CNPY4: variants seen among roughly 807,000 people sequenced by gnomAD.
CNPY4 encodes the protein canopy FGF signaling regulator 4, also known as protein canopy homolog 4.
In CNPY4, 33 loss-of-function variants were observed where a neutral mutation model predicts 30.1. The observed-to-expected ratio is 1.10, with a 90% CI of 0.83 to 1.46. The LOEUF is 1.46. Ranked by LOEUF, CNPY4 falls within the 40% of genes most tolerant of loss-of-function variation. The pLI is 0.00. For synonymous variants in CNPY4, 109 were observed against 110.1 expected (o/e 0.99, Z 0.06); for missense variants, 324 against 302.6 (o/e 1.07, Z -0.52).
chr7:100,121,151 C>A (rs4727447), intron 1 of CNPY4: 1 of 90,740 alleles, frequency 1.1e-5, no homozygotes, highest in Admixed American at 1.3e-4. Flanking sequence ...TTTTTTTTTT[C>A]TCTTTTCAGA....
In CNPY4 at chr7:100,122,594, G is replaced by C; in HGVS notation, c.342+17G>C. 1 of 1,580,854 alleles carries C rather than the reference G, an allele frequency of 6.3e-7. No homozygotes were observed. The highest frequency in any genetic ancestry group is 8.6e-7 in the Non-Finnish European group (1 of 1,161,534). On this transcript the variant is annotated intron_variant, in intron 3 of 5. Coordinates refer to ENST00000262932, the MANE Select transcript of CNPY4 (RefSeq NM_152755.2). Reference sequence around the variant, plus strand: ...TATGCCAAGGTCAGACCCTTCCCCAGGGCAGGACCCCACTTCTCAGATACA... The same window carrying C: ...TATGCCAAGGTCAGACCCTTCCCCACGGCAGGACCCCACTTCTCAGATACA...
rs764940643 is a variant in CNPY4, at chr7:100,119,681, G to T, written c.-64G>T. The T allele has an allele frequency of 4.2e-5, 67 of 1,612,086 alleles. No homozygotes were observed. Among genetic ancestry groups the T allele is most frequent in the Non-Finnish European group, 5.6e-5 (66 of 1,179,392 alleles). On this transcript the variant is annotated 5_prime_UTR_variant, in exon 1 of 6. The change creates a new upstream start codon in the 5' untranslated region. Coordinates refer to ENST00000262932, the MANE Select transcript of CNPY4 (RefSeq NM_152755.2). ...TGCCGCTAGCCGCCTGGGAATTTAA[G>T]GGACCCACACTACCTTCCCGAAGTT...
At chr7:100,120,387 G>C (rs971337253) in intron 1 of CNPY4, 3 of 152,422 alleles carry the variant, frequency 2.0e-5, no homozygotes, top group African/African-American at 4.8e-5. Flanking sequence ...CATCCGGTGA[G>C]ACTTTGCAGA....
At position 100,122,396 on chromosome 7, in the gene CNPY4, C is replaced by T. The variant is rs200363497; in HGVS notation, c.245+11C>T. The T allele has an allele frequency of 5.0e-6, 8 of 1,614,068 alleles. No homozygotes were observed. In the East Asian group the frequency reaches 1.3e-4, roughly 27 times the overall value. On this transcript the variant is annotated intron_variant, in intron 2 of 5. Coordinates refer to ENST00000262932, the MANE Select transcript of CNPY4 (RefSeq NM_152755.2). ...GCCTTACAGCGTTTCGTGAGTCCTT[C>T]GTGCTCCTCCCCTTTCCAACCCCCA... is the stretch of plus-strand genomic sequence containing the variant.
At position 100,119,802 on chromosome 7, in the gene CNPY4, T is replaced by TA. The variant is rs753017192; in HGVS notation, c.58_59insA (p.Trp20Ter). The change falls in exon 1 of 6, where the codon TGG (tryptophan) becomes TAGG (stop). Residue 20 changes from tryptophan to a stop codon, truncating the protein, a stop_gained and frameshift_variant. Transcript: ENST00000262932. LOFTEE classifies it high-confidence loss of function. ...CCTTTTTTTGGCCGTGCACGAGGCT[T>TA]GGGCTGGGATGTTGAAGGAGGAGGA... is the stretch of plus-strand genomic sequence containing the variant. ...LFLFLAVHEA[W>*]AGMLKEEDDD... 1.2e-6 allele frequency: 2 copies of TA among 1,614,122 alleles called. No homozygotes were observed. The highest frequency in any genetic ancestry group is 1.7e-6 in the Non-Finnish European group (2 of 1,180,004).
In CNPY4 at chr7:100,124,460, G is replaced by A. The variant is rs183956691; in HGVS notation, c.466-54G>A. The stretch of plus-strand genomic sequence containing the variant: ...GGTTGAGCAGGGAGAGAAGACAGGC[G>A]GGATCCCAAATCCCTCCAGAGCAGA... On this transcript the variant is annotated intron_variant, in intron 4 of 5. Coordinates refer to ENST00000262932, the MANE Select transcript of CNPY4 (RefSeq NM_152755.2). 5.6e-5 allele frequency: 78 copies of A among 1,390,900 alleles called. No homozygotes were observed. The Admixed American group carries it at 8.2e-4, about 15-fold the overall frequency. 86.2% of individuals were successfully genotyped at this position (1,390,900 alleles called of 1,614,324 possible). A position where few individuals can be genotyped will look rare whatever the true frequency, so the allele number is the denominator to read the frequency against.
chr7:100,124,653 C>G, intron 5 of CNPY4, 22 bp downstream of exon 5: 1 of 1,611,730 alleles, frequency 6.2e-7, no homozygotes, highest in Non-Finnish European at 8.5e-7. Flanking sequence ...GGTTGAACTC[C>G]TCTCCTGCCA....
At chr7:100,123,762 C>T (rs1463382719) in intron 4 of CNPY4, among the ~76,000 whole-genome samples, 3 of 152,182 alleles carry the variant, frequency 2.0e-5, no homozygotes, top group Admixed American at 2.0e-4. Flanking sequence ...TCAGGTGATC[C>T]ACCCGCCTTG....
At chr7:100,121,116 A>ATTTT (rs1163501525) in intron 1 of CNPY4, 17 of 52,778 alleles carry the variant, frequency 3.2e-4, no homozygotes, top group African/African-American at 1.2e-3. Context: ...ATATATATAT[A>ATTTT]TTTTTTTTTT....
In CNPY4 at chr7:100,122,787, C is replaced by G. The variant is rs999672125; in HGVS notation, c.346C>G (p.Gln116Glu). 2 of 1,612,880 alleles carry G rather than the reference C, an allele frequency of 1.2e-6. No homozygotes were observed. The highest frequency in any genetic ancestry group is 2.7e-5 in the African/African-American group (2 of 74,934). The change falls in exon 4 of 6, where the codon CAG (glutamine) becomes GAG (glutamate). Residue 116 changes from glutamine to glutamate, a missense_variant. Coordinates refer to ENST00000262932, the MANE Select transcript of CNPY4 (RefSeq NM_152755.2). ...RKGSLRYAKG[Q>E]SQTMATLKGL... is the part of the protein sequence containing the mutation. ...TGCCAAATTCTTAATCTCTCAGGGT[C>G]AGAGTCAGACCATGGCAACACTGAA...
Position 100,122,272 on chromosome 7 carries a change from G to A in CNPY4, c.132G>A (p.Leu44=). The change falls in exon 2 of 6, where the codon CTG becomes CTA. Residue 44 remains leucine (L), a synonymous_variant. Transcript: ENST00000262932. ...LPSKCEVCKL[L]STELQAELSR... Reference sequence around the variant, plus strand: ...CCTCCCCACCAGTGTGTAAGCTGCTGAGCACAGAGCTACAGGCGGAACTGA... The same window carrying A: ...CCTCCCCACCAGTGTGTAAGCTGCTAAGCACAGAGCTACAGGCGGAACTGA... 1 of 1,613,996 alleles carries A rather than the reference G, an allele frequency of 6.2e-7. No individual in the cohort carries two copies.
chr7:100,124,222 T>C (rs886254492), intron 4 of CNPY4, among the ~76,000 whole-genome samples: 6 of 151,822 alleles, frequency 4.0e-5, no homozygotes, highest in African/African-American at 1.5e-4. Flanking sequence ...CTGGACCAGA[T>C]ACTTTGCATC....
At chr7:100,123,069 C>T (rs780443492) in intron 4 of CNPY4, among the ~76,000 whole-genome samples, 163 bp downstream of exon 4, 9 of 152,014 alleles carry the variant, frequency 5.9e-5, no homozygotes, top group Non-Finnish European at 7.4e-5. Flanking sequence ...CGGTGGGGTG[C>T]GGTGGCTCAC....
At chr7:100,122,080 A>T in intron 1 of CNPY4, 179 bp from the exon 2 acceptor site, 2 of 565,948 alleles carry the variant, frequency 3.5e-6, no homozygotes, top group Non-Finnish European at 6.0e-6. Context: ...GAAGAAACCG[A>T]GGCACAGCAA....
intron 1 of CNPY4, among the ~76,000 whole-genome samples, chr7:100,121,746 C>T (rs577764945): frequency 2.4e-4 from 36 of 151,322 alleles, no homozygotes; most frequent in Middle Eastern, 3.4e-3. Flanking sequence ...GGCCTATTAT[C>T]CCATTATAAA....
intron 1 of CNPY4, chr7:100,120,141 C>T: frequency 3.0e-6 from 1 of 328,270 alleles, no homozygotes; most frequent in Non-Finnish European, 5.6e-6. Flanking sequence ...CGGCCCGGGA[C>T]TGCCAACTTT....
intron 4 of CNPY4, among the ~76,000 whole-genome samples, 191 bp downstream of exon 4, chr7:100,123,097 T>C (rs1798117055): frequency 6.6e-6 from 1 of 151,884 alleles, no homozygotes; most frequent in Non-Finnish European, 1.5e-5. Context: ...ATCCCAGCAA[T>C]TTGGGAGGCT....
chr7:100,120,120 T>G, intron 1 of CNPY4: 1 of 389,978 alleles, frequency 2.6e-6, no homozygotes, highest in Non-Finnish European at 4.6e-6. Flanking sequence ...GAATTGTAGT[T>G]CAGGGACCAT....
chr7:100,124,316 GAGTTTA>G (rs1798156551), intron 4 of CNPY4, 192 bp from the exon 5 acceptor site: 2 of 546,248 alleles, frequency 3.7e-6, no homozygotes, highest in Non-Finnish European at 6.6e-6. Flanking sequence ...TGAGACTCAA[GAGTTTA>G]ATAATCTACT....
Sources: allele counts gnomAD v4.1 joint callset (sites outside exome capture counted in the v4.1 genomes callset), GRCh38; gene constraint gnomAD v4.1.1; transcripts MANE v1.5; gene names NCBI Gene and HGNC (gene_info 2026-07-23, HGNC 2026-07-21).